Variants in MPRIP observed in about 807,000 individuals in gnomAD.
The protein encoded by MPRIP is myosin phosphatase Rho-interacting protein.
Under a neutral mutation model 234.9 loss-of-function variants are expected in MPRIP, and 59 were observed. The observed-to-expected ratio is 0.25, with a 90% confidence interval of 0.20 to 0.31. MPRIP has a LOEUF of 0.31. Among genes scored for constraint, MPRIP ranks in the 10% least tolerant of loss-of-function variants. The pLI is 1.00. For synonymous variants in MPRIP, 1,144 were observed against 1,263.9 expected, an observed-to-expected ratio of 0.91 and a Z score of 2.01; for missense variants, 2,436 against 3,071.0, an observed-to-expected ratio of 0.79 and a Z score of 4.89.
rs1353161135 is a variant in MPRIP, at chr17:17,149,742, T to TATTTTAA, written c.1630-401_1630-400insTTTTAAA. On this transcript the variant is annotated intron_variant, in intron 11 of 23. Coordinates refer to ENST00000651222, the MANE Select transcript of MPRIP (RefSeq NM_001364716.4). The stretch of plus-strand genomic sequence containing the variant: ...ATTTAAATGTATAAAATATATTTTA[T>TATTTTAA]AATATATTTTAAAATATATTTAAAT... 6 of 42,674 alleles carry TATTTTAA rather than the reference T, an allele frequency of 1.4e-4. No homozygotes were observed. In the East Asian group the frequency reaches 0.011, roughly 77 times the overall value. The allele number at this position is 42,674 out of a possible 1,614,324, so 2.6% of individuals were successfully genotyped here. A position where few individuals can be genotyped will look rare whatever the true frequency, so the allele number is the denominator to read the frequency against.
chr17:17,062,194 A>T (rs1323653734), intron 1 of MPRIP, among the ~76,000 whole-genome samples: 2 of 151,926 alleles, frequency 1.3e-5, no homozygotes. Flanking sequence ...GGGGTTCCCT[A>T]ACTACACCTA....
At chr17:17,057,451 G>A (rs1014195026) in intron 1 of MPRIP, among the ~76,000 whole-genome samples, 3 of 152,208 alleles carry the variant, frequency 2.0e-5, no homozygotes, top group African/African-American at 4.8e-5. Context: ...GGGCATGGGA[G>A]CTGAAGGCTG....
At chr17:17,090,211 C>G (rs1399700468) in intron 3 of MPRIP, among the ~76,000 whole-genome samples, 1 of 152,174 alleles carries the variant, frequency 6.6e-6, no homozygotes, top group Non-Finnish European at 1.5e-5. Context: ...GAGAGACTCC[C>G]TGGAGCCACA....
chr17:17,155,179 G>A (rs1488691790), intron 13 of MPRIP, among the ~76,000 whole-genome samples: 1 of 151,992 alleles, frequency 6.6e-6, no homozygotes, highest in East Asian at 1.9e-4. Flanking sequence ...TGTTTCTTGT[G>A]CTGTGGGTTA....
chr17:17,097,485 C>T (rs1234996423), intron 3 of MPRIP: 1 of 152,118 alleles, frequency 6.6e-6, no homozygotes, highest in African/African-American at 2.4e-5. Flanking sequence ...AGAGGGAGAC[C>T]CTGTCTCTTA....
At chr17:17,110,530 C>G (rs150562731) in intron 3 of MPRIP, among the ~76,000 whole-genome samples, 1 of 152,180 alleles carries the variant, frequency 6.6e-6, no homozygotes, top group African/African-American at 2.4e-5. Context: ...CTCCCCACTC[C>G]GTGTTGAGTG....
chr17:17,098,583 G>C (rs1289145982), intron 3 of MPRIP, among the ~76,000 whole-genome samples: 1 of 152,198 alleles, frequency 6.6e-6, no homozygotes, highest in Non-Finnish European at 1.5e-5. Flanking sequence ...GCCCACACTC[G>C]GAGGAGGGAA....
At chr17:17,152,296 C>G (rs866136885) in intron 12 of MPRIP, among the ~76,000 whole-genome samples, 2 of 152,246 alleles carry the variant, frequency 1.3e-5, no homozygotes, top group African/African-American at 4.8e-5. Context: ...TGAGCCTCCT[C>G]TCCTGCCGTC....
chr17:17,114,579 T>C (rs1408907276), intron 3 of MPRIP, among the ~76,000 whole-genome samples: 1 of 152,214 alleles, frequency 6.6e-6, no homozygotes, highest in Admixed American at 6.5e-5. Flanking sequence ...TCAAGTTCAT[T>C]GTTGCATATG....
At chr17:17,131,066 A>G (rs1156464905) in intron 4 of MPRIP, among the ~76,000 whole-genome samples, 1 of 152,066 alleles carries the variant, frequency 6.6e-6, no homozygotes, top group Non-Finnish European at 1.5e-5. Context: ...CTTGCCACAC[A>G]CAATCCCTGA....
chr17:17,107,049 T>C (rs1417456893), intron 3 of MPRIP, among the ~76,000 whole-genome samples: 1 of 152,258 alleles, frequency 6.6e-6, no homozygotes, highest in Non-Finnish European at 1.5e-5. Flanking sequence ...CTTAATGTCA[T>C]ACCCCTTTCT....
At chr17:17,178,673 T>C (rs1441911306) in intron 22 of MPRIP, 1 of 152,160 alleles carries the variant, frequency 6.6e-6, no homozygotes, top group Non-Finnish European at 1.5e-5. Context: ...CCCAGCACTT[T>C]GGGAAGCTAG....
At chr17:17,173,025 A>AATGC (rs1394078706) in intron 18 of MPRIP, among the ~76,000 whole-genome samples, 1 of 152,250 alleles carries the variant, frequency 6.6e-6, no homozygotes, top group African/African-American at 2.4e-5. Flanking sequence ...TGTTCCTCGA[A>AATGC]ATGCCAAGAA....
chr17:17,172,132 T>C (rs1178430549), intron 17 of MPRIP, among the ~76,000 whole-genome samples: 1 of 152,212 alleles, frequency 6.6e-6, no homozygotes, highest in African/African-American at 2.4e-5. Flanking sequence ...CCTGTGACTT[T>C]CCAGTTCCAA....
At chr17:17,090,216 G>A (rs1318189900) in intron 3 of MPRIP, among the ~76,000 whole-genome samples, 1 of 152,188 alleles carries the variant, frequency 6.6e-6, no homozygotes, top group Non-Finnish European at 1.5e-5. Flanking sequence ...ACTCCCTGGA[G>A]CCACAAGGCT....
chr17:17,078,575 A>G lies in MPRIP; in HGVS notation c.267+499A>G, dbSNP rs1490442599. 6.6e-6 allele frequency among the ~76,000 whole-genome samples: 1 copy of G among 152,202 alleles called. No homozygotes were observed. The highest frequency in any genetic ancestry group is 1.9e-4 in the East Asian group (1 of 5,188). ...TGACTTCAGAGGCCTCCTGGTCACA[A>G]GGTCATCGTTCTTCTGGTCACTAAA... On this transcript the variant is annotated intron_variant, in intron 3 of 23. Coordinates refer to ENST00000651222, the MANE Select transcript of MPRIP (RefSeq NM_001364716.4). The surrounding 1 kb of genome is among the most constrained non-coding windows in gnomAD (Gnocchi z 4.3).
chr17:17,096,917 G>A (rs2089860253), intron 3 of MPRIP: 6 of 418,406 alleles, frequency 1.4e-5, no homozygotes, highest in East Asian at 1.4e-4. Context: ...GAATCTCGTC[G>A]GCTGCTGGGA....
chr17:17,150,949 G>A (rs1313408308), intron 12 of MPRIP, among the ~76,000 whole-genome samples: 1 of 151,668 alleles, frequency 6.6e-6, no homozygotes, highest in Non-Finnish European at 1.5e-5. Context: ...AGACTCTAAC[G>A]ATCCTTCTAC....
chr17:17,156,876 G>A (rs1567757440), intron 13 of MPRIP, among the ~76,000 whole-genome samples: 1 of 152,236 alleles, frequency 6.6e-6, no homozygotes, highest in Admixed American at 6.5e-5. Context: ...CCTCTCACTC[G>A]ATTGCTGCCT....
Sources: allele counts gnomAD v4.1 joint callset (sites outside exome capture counted in the v4.1 genomes callset), GRCh38; gene constraint gnomAD v4.1.1; non-coding constraint Gnocchi (gnomAD v3.1); transcripts MANE v1.5; gene names NCBI Gene and HGNC (gene_info 2026-07-23, HGNC 2026-07-21).